The following PTPRD variants were observed in gnomAD, a reference collection of about 807,000 sequenced individuals.
The protein encoded by PTPRD is receptor-type tyrosine-protein phosphatase delta.
A neutral mutation model predicts 214.5 loss-of-function variants in PTPRD; 34 were observed. That is an observed-to-expected ratio of 0.16 (90% confidence interval 0.12 to 0.21). The LOEUF (loss-of-function observed/expected upper bound fraction) is 0.21. Among genes scored for constraint, PTPRD ranks in the 10% least tolerant of loss-of-function variants. The pLI, the probability that PTPRD is intolerant of heterozygous loss-of-function variation, is 1.00. For synonymous variants in PTPRD, 1,128 were observed against 845.7 expected (o/e 1.33, Z -5.79); for missense variants, 2,545 against 2,398.7 (o/e 1.06, Z -1.27).
intron 3 of PTPRD, among the ~76,000 whole-genome samples, chr9:10,125,423 T>TTTATTATTATTA (rs71485319): frequency 3.7e-5 from 5 of 133,554 alleles, no homozygotes; most frequent in Non-Finnish European, 4.8e-5. Flanking sequence ...TTTGTTTTAT[T>TTTATTATTATTA]TTATTATTAT....
intron 2 of PTPRD, among the ~76,000 whole-genome samples, chr9:10,508,249 C>G (rs1439673683): frequency 4.6e-5 from 7 of 152,074 alleles, no homozygotes; most frequent in Admixed American, 1.3e-4. Context: ...CTATGAGATA[C>G]CATCTCACAC....
intron 3 of PTPRD, among the ~76,000 whole-genome samples, chr9:10,143,260 A>G (rs2098999397): frequency 1.3e-5 from 2 of 150,832 alleles, no homozygotes; most frequent in African/African-American, 4.9e-5. Context: ...TGTATCCTAA[A>G]ACTTAAAGTA....
At position 8,485,961 on chromosome 9, in the gene PTPRD, G is replaced by A. The variant is rs2135931448; in HGVS notation, c.2856C>T (p.Thr952=). ...PVLAERNGII[T]KYTLLYRDIN... Reference sequence around the variant, plus strand: ...TATCCCTATAAAGAAGGGTATACTTGGTGATAATGCCATTTCTCTCTGCCA... The same window carrying A: ...TATCCCTATAAAGAAGGGTATACTTAGTGATAATGCCATTTCTCTCTGCCA... Residue 952 remains threonine (T), a synonymous_variant, in exon 28 of 46, where the codon ACC becomes ACT. Transcript: ENST00000381196. 8.1e-6 allele frequency: 13 copies of A among 1,614,178 alleles called. No homozygotes were observed. The highest frequency in any genetic ancestry group is 1.1e-5 in the Non-Finnish European group (13 of 1,180,016).
intron 11 of PTPRD, among the ~76,000 whole-genome samples, chr9:8,954,341 T>G (rs772099860): frequency 6.6e-6 from 1 of 151,824 alleles, no homozygotes; most frequent in Non-Finnish European, 1.5e-5. Context: ...TGGGGACTAC[T>G]ACATGGGAGA....
intron 9 of PTPRD, among the ~76,000 whole-genome samples, chr9:9,266,710 T>C (rs1392086958): frequency 1.3e-5 from 2 of 150,928 alleles, no homozygotes; most frequent in African/African-American, 2.4e-5. Flanking sequence ...GAACAACCAA[T>C]AGGGAAAAGA....
chr9:8,471,120 T>A (rs2096644807), intron 30 of PTPRD, 35 bp from the exon 31 acceptor site: 1 of 1,582,046 alleles, frequency 6.3e-7, no homozygotes. Flanking sequence ...GTTAGGTTAG[T>A]TGAAAGGAGG....
chr9:9,586,426 G>C (rs1489850220), intron 7 of PTPRD, among the ~76,000 whole-genome samples: 1 of 151,854 alleles, frequency 6.6e-6, no homozygotes, highest in African/African-American at 2.4e-5. Context: ...TATAATTCTT[G>C]AGTTGAGTTT....
At chr9:10,035,197 G>T (rs1249861619) in intron 3 of PTPRD, among the ~76,000 whole-genome samples, 3 of 152,076 alleles carry the variant, frequency 2.0e-5, no homozygotes, top group African/African-American at 7.2e-5. Flanking sequence ...TTTCTCTAAT[G>T]ATCAATGATG....
At chr9:8,441,727 C>G (rs140062315) in intron 34 of PTPRD, among the ~76,000 whole-genome samples, 142 of 152,172 alleles carry the variant, frequency 9.3e-4, no homozygotes, top group African/African-American at 3.2e-3. Context: ...TCATCTACCT[C>G]CCCTTCTCTC....
intron 11 of PTPRD, among the ~76,000 whole-genome samples, chr9:8,811,553 G>T (rs1024454227): frequency 6.6e-6 from 1 of 151,970 alleles, no homozygotes; most frequent in Non-Finnish European, 1.5e-5. Flanking sequence ...GGTCACTAAG[G>T]AACAGAACAA....
intron 2 of PTPRD, among the ~76,000 whole-genome samples, chr9:10,354,261 C>G (rs1311538415): frequency 6.6e-6 from 1 of 152,078 alleles, no homozygotes; most frequent in African/African-American, 2.4e-5. Flanking sequence ...TTTGCAGAAT[C>G]CATTTAATGA....
intron 9 of PTPRD, among the ~76,000 whole-genome samples, chr9:9,263,844 T>C (rs79052029): frequency 0.015 from 2,322 of 151,682 alleles, 23 homozygotes; most frequent in Middle Eastern, 0.071. Context: ...AAACTACCTA[T>C]TAGTTACTAT....
At chr9:9,685,251 T>C (rs967034893) in intron 7 of PTPRD, among the ~76,000 whole-genome samples, 1 of 140,656 alleles carries the variant, frequency 7.1e-6, no homozygotes, top group African/African-American at 2.7e-5. Flanking sequence ...ATAGCATATA[T>C]ATTATATATG....
intron 3 of PTPRD, among the ~76,000 whole-genome samples, chr9:10,118,221 T>G (rs993023442): frequency 6.6e-6 from 1 of 151,746 alleles, no homozygotes; most frequent in African/African-American, 2.4e-5. Context: ...TCTATCTATC[T>G]ATCTATCTAT....
chr9:8,634,470 A>G (rs1360590099), intron 13 of PTPRD, among the ~76,000 whole-genome samples: 1 of 152,060 alleles, frequency 6.6e-6, no homozygotes, highest in Non-Finnish European at 1.5e-5. Flanking sequence ...GTGCATGTGT[A>G]TATTAACACA....
At chr9:9,130,693 C>A (rs905258009) in intron 10 of PTPRD, among the ~76,000 whole-genome samples, 1 of 152,112 alleles carries the variant, frequency 6.6e-6, no homozygotes, top group Non-Finnish European at 1.5e-5. Flanking sequence ...TTCCTACTGA[C>A]CTTCCTGAAT....
chr9:8,430,243 A>C (rs554639965), intron 35 of PTPRD, among the ~76,000 whole-genome samples: 1 of 151,998 alleles, frequency 6.6e-6, no homozygotes, highest in East Asian at 1.9e-4. Context: ...GATAGTGACC[A>C]CTGGGATGCC....
chr9:8,912,543 T>C (rs57203613), intron 11 of PTPRD, among the ~76,000 whole-genome samples: 4,010 of 152,170 alleles, frequency 0.026, 173 homozygotes, highest in African/African-American at 0.092. Flanking sequence ...TTTGGGGTGG[T>C]GGGAATGCTA....
At chr9:10,549,439 TC>T (rs1330243944) in intron 2 of PTPRD, among the ~76,000 whole-genome samples, 2 of 152,088 alleles carry the variant, frequency 1.3e-5, no homozygotes, top group African/African-American at 2.4e-5. Flanking sequence ...TCTAAATTAA[TC>T]CCCTTCTCCC....
Sources: allele counts gnomAD v4.1 joint callset (sites outside exome capture counted in the v4.1 genomes callset), GRCh38; gene constraint gnomAD v4.1.1; transcripts MANE v1.5; gene names NCBI Gene and HGNC (gene_info 2026-07-23, HGNC 2026-07-21).